The following CTNNA3 variants were observed in gnomAD, a reference collection of about 807,000 sequenced individuals.
CTNNA3 encodes the protein catenin alpha-3.
In CTNNA3, 76 loss-of-function variants were observed where a neutral mutation model predicts 95.7. That is an observed-to-expected ratio of 0.79 (90% CI 0.66 to 0.96). The LOEUF (loss-of-function observed/expected upper bound fraction) is 0.96. CTNNA3 is among the 40% of genes least tolerant of loss of function. CTNNA3 has a pLI of 0.00. For missense variants in CTNNA3, 1,191 were observed against 1,089.8 expected (o/e 1.09, Z -1.31); for synonymous variants, 431 against 374.4 (o/e 1.15, Z -1.74).
chr10:66,829,854 T>TTTGTTGTTGTTGTTGTTGTTGTTGTTG (rs59424993), intron 7 of CTNNA3, among the ~76,000 whole-genome samples: 37 of 148,366 alleles, frequency 2.5e-4, no homozygotes, highest in Middle Eastern at 3.4e-3. Context: ...CCCCAGGGGA[T>TTTGTTGTTGTTGTTGTTGTTGTTGTTG]TTGTTGTTGT....
intron 1 of CTNNA3, among the ~76,000 whole-genome samples, chr10:67,708,594 T>G (rs1232405133): frequency 6.6e-6 from 1 of 152,186 alleles, no homozygotes; most frequent in African/African-American, 2.4e-5. Context: ...AATACAGCTT[T>G]TAAAATGTTA....
intron 12 of CTNNA3, among the ~76,000 whole-genome samples, chr10:66,356,401 G>A (rs968484314): frequency 7.3e-5 from 11 of 151,522 alleles, no homozygotes; most frequent in African/African-American, 2.7e-4. Context: ...CAACATATAG[G>A]TGCAGCAATT....
chr10:67,675,116 CT>C (rs1267993958), intron 1 of CTNNA3, among the ~76,000 whole-genome samples: 1 of 151,912 alleles, frequency 6.6e-6, no homozygotes, highest in Non-Finnish European at 1.5e-5. Context: ...TTCTAGTTTT[CT>C]TTTCTGTGAA....
chr10:67,014,443 C>A (rs1208497120), intron 7 of CTNNA3, among the ~76,000 whole-genome samples: 1 of 151,970 alleles, frequency 6.6e-6, no homozygotes, highest in African/African-American at 2.4e-5. Flanking sequence ...TCTGGGAATC[C>A]CAGGTGGTGC....
At chr10:66,360,647 CTTTCTTT>C (rs2092651840) in intron 12 of CTNNA3, among the ~76,000 whole-genome samples, 4 of 61,498 alleles carry the variant, frequency 6.5e-5, no homozygotes, top group Non-Finnish European at 1.3e-4. Flanking sequence ...TTCTTTCTTT[CTTTCTTT>C]CTTTCTTCCT....
At chr10:66,069,563 A>G (rs1286254669) in intron 14 of CTNNA3, 74 bp from the exon 15 acceptor site, 5 of 1,134,044 alleles carry the variant, frequency 4.4e-6, no homozygotes, top group African/African-American at 1.6e-5. Flanking sequence ...TAGATATTAT[A>G]GGATACTCAT....
At chr10:66,902,216 G>C (rs550308850) in intron 7 of CTNNA3, among the ~76,000 whole-genome samples, 2 of 152,118 alleles carry the variant, frequency 1.3e-5, no homozygotes, top group African/African-American at 4.8e-5. Flanking sequence ...TAGAACTCAG[G>C]GTTAAGAAAC....
chr10:66,196,153 A>C (rs2086948670), intron 13 of CTNNA3, among the ~76,000 whole-genome samples: 1 of 152,212 alleles, frequency 6.6e-6, no homozygotes, highest in Non-Finnish European at 1.5e-5. Flanking sequence ...AGTGTATTGT[A>C]AAATGACAAA....
chr10:67,693,439 C>T (rs895566798), intron 1 of CTNNA3, among the ~76,000 whole-genome samples: 2 of 152,104 alleles, frequency 1.3e-5, no homozygotes, highest in Non-Finnish European at 2.9e-5. Flanking sequence ...CATTACAAAG[C>T]GCATAATTTC....
chr10:66,425,275 A>G (rs72808717), intron 11 of CTNNA3, among the ~76,000 whole-genome samples: 7,495 of 151,762 alleles, frequency 0.049, 261 homozygotes, highest in East Asian at 0.11. Context: ...ATCTAATATA[A>G]TACATTTAAT....
intron 15 of CTNNA3, among the ~76,000 whole-genome samples, chr10:66,043,887 G>A (rs889694653): frequency 1.1e-4 from 17 of 151,972 alleles, no homozygotes; most frequent in African/African-American, 4.1e-4. Context: ...TATTTTGTAG[G>A]AGGCATACCT....
intron 7 of CTNNA3, among the ~76,000 whole-genome samples, chr10:67,039,494 T>A (rs563159774): frequency 1.4e-4 from 22 of 152,284 alleles, no homozygotes; most frequent in Middle Eastern, 6.8e-3. Flanking sequence ...ATTTTTAAAT[T>A]ATGCCTCTAT....
chr10:66,877,379 T>C (rs929984377), intron 7 of CTNNA3, among the ~76,000 whole-genome samples: 1 of 152,142 alleles, frequency 6.6e-6, no homozygotes, highest in Non-Finnish European at 1.5e-5. Context: ...AGCAGGCACA[T>C]TGCTTCTCAC....
chr10:66,092,634 T>C (rs1330078775), intron 14 of CTNNA3, among the ~76,000 whole-genome samples: 1 of 151,942 alleles, frequency 6.6e-6, no homozygotes, highest in African/African-American at 2.4e-5. Flanking sequence ...TATATCACAA[T>C]ATACCACTTA....
chr10:66,517,503 A>G (rs1177356446), intron 11 of CTNNA3, among the ~76,000 whole-genome samples: 1 of 152,124 alleles, frequency 6.6e-6, no homozygotes, highest in East Asian at 1.9e-4. Flanking sequence ...CCTCACTACT[A>G]CACTGCCATC....
intron 9 of CTNNA3, among the ~76,000 whole-genome samples, chr10:66,646,193 G>A (rs1448386761): frequency 6.6e-6 from 1 of 152,058 alleles, no homozygotes; most frequent in African/African-American, 2.4e-5. Flanking sequence ...ATAAAGTTCT[G>A]GCATTGGAGG....
At chr10:66,301,961 G>A (rs1215796804) in intron 12 of CTNNA3, among the ~76,000 whole-genome samples, 2 of 151,926 alleles carry the variant, frequency 1.3e-5, no homozygotes, top group Non-Finnish European at 1.5e-5. Context: ...AAAAAGTCCT[G>A]GAACTAATTA....
chr10:66,420,869 C>A (rs1284361247), intron 11 of CTNNA3, among the ~76,000 whole-genome samples: 2 of 149,132 alleles, frequency 1.3e-5, no homozygotes, highest in Non-Finnish European at 3.0e-5. Context: ...CTCAAACAAA[C>A]TAAAAATAGA....
chr10:66,614,373 A>T (rs1589498545), intron 10 of CTNNA3, among the ~76,000 whole-genome samples: 1 of 152,088 alleles, frequency 6.6e-6, no homozygotes, highest in Non-Finnish European at 1.5e-5. Flanking sequence ...CTGAGTACCT[A>T]CTATGTGTCA....
Sources: allele counts gnomAD v4.1 joint callset (sites outside exome capture counted in the v4.1 genomes callset), GRCh38; gene constraint gnomAD v4.1.1; transcripts MANE v1.5; gene names NCBI Gene and HGNC (gene_info 2026-07-23, HGNC 2026-07-21).